Variants in CYP2C19 observed in about 807,000 individuals in gnomAD.
The protein encoded by CYP2C19 is cytochrome P450 2C19.
Under a neutral mutation model 40.9 loss-of-function variants are expected in CYP2C19, and 59 were observed. That is an observed-to-expected ratio of 1.44 (90% CI 1.17 to 1.79). The LOEUF (loss-of-function observed/expected upper bound fraction) is 1.79. CYP2C19 is among the 40% of genes most tolerant of loss of function. The pLI, the probability that CYP2C19 is intolerant of heterozygous loss-of-function variation, is 0.00. For synonymous variants in CYP2C19, 253 were observed against 208.7 expected (o/e 1.21, Z -1.83); for missense variants, 754 against 596.9 (o/e 1.26, Z -2.74).
intron 3 of CYP2C19, among the ~76,000 whole-genome samples, chr10:94,777,273 A>G (rs1242739752): frequency 6.6e-6 from 1 of 152,170 alleles, no homozygotes; most frequent in Non-Finnish European, 1.5e-5. Flanking sequence ...GCTGCCATTG[A>G]GTTTCTTCAC....
Position 94,775,177 on chromosome 10 carries a change from A to G in CYP2C19, c.288A>G (p.Gly96=). 1.9e-6 allele frequency: 3 copies of G among 1,614,066 alleles called. No homozygotes were observed. The highest frequency in any genetic ancestry group is 1.1e-5 in the South Asian group (1 of 91,076). ...ALIDLGEEFS[G]RGHFPLAERA... ...TTGATCTTGGAGAGGAGTTTTCTGG[A>G]AGAGGCCATTTCCCACTGGCTGAAA... The change falls in exon 2 of 9, where the codon GGA becomes GGG. Residue 96 remains glycine, a synonymous_variant. Transcript: ENST00000371321.
rs17879685 is a variant in CYP2C19, at chr10:94,849,995, C to T, written c.1228C>T (p.Arg410Cys). 1,420 of 1,613,698 alleles carry T rather than the reference C, an allele frequency of 8.8e-4. 11 individuals are homozygous for T. The African/African-American group carries it at 0.017, about 19-fold the overall frequency. Residue 410 changes from arginine to cysteine, a missense_variant, in exon 8 of 9, where the codon CGT becomes TGT. Transcript: ENST00000371321. ...TCCCAACCCAGAGATGTTTGACCCT[C>T]GTCACTTTCTGGATGAAGGTGGAAA... Reference protein sequence around the residue: ...EFPNPEMFDPRHFLDEGGNFK... With the variant: ...EFPNPEMFDPCHFLDEGGNFK...
At chr10:94,790,772 A>G (rs934725902) in intron 5 of CYP2C19, among the ~76,000 whole-genome samples, 1 of 152,116 alleles carries the variant, frequency 6.6e-6, no homozygotes, top group Non-Finnish European at 1.5e-5. Flanking sequence ...TCAGTTTGCC[A>G]GTATTTTATT....
intron 6 of CYP2C19, among the ~76,000 whole-genome samples, chr10:94,842,370 CTA>C (rs1156808107): frequency 8.9e-6 from 1 of 111,916 alleles, no homozygotes; most frequent in East Asian, 2.8e-4. Context: ...TACTTTCAGT[CTA>C]TGTGTGTTTT....
At chr10:94,816,251 T>G (rs531103861) in intron 5 of CYP2C19, among the ~76,000 whole-genome samples, 81 of 151,478 alleles carry the variant, frequency 5.3e-4, no homozygotes, top group Middle Eastern at 6.8e-3. Flanking sequence ...TTTCTTTTTT[T>G]TTTTCTTTAT....
At chr10:94,805,992 C>T (rs1439479386) in intron 5 of CYP2C19, among the ~76,000 whole-genome samples, 8 of 152,158 alleles carry the variant, frequency 5.3e-5, no homozygotes, top group African/African-American at 4.8e-5. Flanking sequence ...TGTCCAGAGA[C>T]GTGGATGATG....
intron 5 of CYP2C19, among the ~76,000 whole-genome samples, chr10:94,805,390 A>G (rs1848818399): frequency 6.6e-6 from 1 of 152,132 alleles, no homozygotes; most frequent in Admixed American, 6.6e-5. Flanking sequence ...TCTGGGATAA[A>G]TCTAACTTGT....
chr10:94,817,648 C>G (rs1225988264), intron 5 of CYP2C19, among the ~76,000 whole-genome samples: 2 of 149,132 alleles, frequency 1.3e-5, no homozygotes, highest in Non-Finnish European at 3.0e-5. Context: ...ACATGAAGTT[C>G]TTGCCCATGC....
At chr10:94,777,587 C>T (rs1375340000) in intron 3 of CYP2C19, among the ~76,000 whole-genome samples, 2 of 152,148 alleles carry the variant, frequency 1.3e-5, no homozygotes, top group African/African-American at 4.8e-5. Context: ...GTTGGACAAA[C>T]TGTCTAGCCA....
intron 5 of CYP2C19, among the ~76,000 whole-genome samples, chr10:94,814,524 T>C (rs1648194564): frequency 6.6e-6 from 1 of 151,418 alleles, no homozygotes. Context: ...CAGTTTTTGA[T>C]AGATGCATTG....
At chr10:94,826,342 G>T (rs1461609556) in intron 6 of CYP2C19, among the ~76,000 whole-genome samples, 9 of 152,014 alleles carry the variant, frequency 5.9e-5, no homozygotes. Flanking sequence ...CTTGATCAGT[G>T]GTTTGTAGTT....
chr10:94,841,927 G>C (rs1477893119), intron 6 of CYP2C19, among the ~76,000 whole-genome samples: 1 of 152,144 alleles, frequency 6.6e-6, no homozygotes, highest in East Asian at 1.9e-4. Context: ...GTCAATTCTT[G>C]ATAACAATCC....
At chr10:94,782,540 A>G (rs764479488) in intron 5 of CYP2C19, among the ~76,000 whole-genome samples, 3 of 152,160 alleles carry the variant, frequency 2.0e-5, no homozygotes, top group Non-Finnish European at 2.9e-5. Flanking sequence ...ATCATTGTGG[A>G]AGGCAGTGTG....
At chr10:94,794,132 G>T (rs953260537) in intron 5 of CYP2C19, among the ~76,000 whole-genome samples, 2 of 152,150 alleles carry the variant, frequency 1.3e-5, no homozygotes, top group South Asian at 2.1e-4. Flanking sequence ...ATTGAGCGAG[G>T]TTCTGTGGGC....
At chr10:94,764,044 G>T (rs1035770245) in intron 1 of CYP2C19, among the ~76,000 whole-genome samples, 1 of 152,096 alleles carries the variant, frequency 6.6e-6, no homozygotes, top group African/African-American at 2.4e-5. Flanking sequence ...TGGGTTTCTG[G>T]TCTCGCTGGC....
intron 5 of CYP2C19, among the ~76,000 whole-genome samples, chr10:94,783,019 T>C (rs1848498969): frequency 6.6e-6 from 1 of 152,036 alleles, no homozygotes; most frequent in South Asian, 2.1e-4. Context: ...GATGACAAGT[T>C]CATAGGTGCA....
At chr10:94,841,413 G>A (rs959106524) in intron 6 of CYP2C19, among the ~76,000 whole-genome samples, 9 of 152,138 alleles carry the variant, frequency 5.9e-5, no homozygotes, top group East Asian at 1.9e-4. Flanking sequence ...AGTGGTGGAC[G>A]GCGAGTGAAA....
At chr10:94,829,239 G>C (rs1343662855) in intron 6 of CYP2C19, among the ~76,000 whole-genome samples, 1 of 152,106 alleles carries the variant, frequency 6.6e-6, no homozygotes, top group Non-Finnish European at 1.5e-5. Context: ...AGTTCTCCTG[G>C]ATAATATCCT....
At chr10:94,851,865 G>T (rs1849658872) in intron 8 of CYP2C19, among the ~76,000 whole-genome samples, 1 of 152,158 alleles carries the variant, frequency 6.6e-6, no homozygotes, top group South Asian at 2.1e-4. Flanking sequence ...GAAATGGGGG[G>T]AGGAATATTC....
Sources: allele counts gnomAD v4.1 joint callset (sites outside exome capture counted in the v4.1 genomes callset), GRCh38; gene constraint gnomAD v4.1.1; transcripts MANE v1.5; gene names NCBI Gene and HGNC (gene_info 2026-07-23, HGNC 2026-07-21).